LAMC2: variants seen among roughly 807,000 people sequenced by gnomAD.
LAMC2 encodes laminin subunit gamma 2.
Under a neutral mutation model 140.2 loss-of-function variants are expected in LAMC2, and 97 were observed. The observed-to-expected ratio is 0.69, with a 90% CI of 0.59 to 0.82. The LOEUF (loss-of-function observed/expected upper bound fraction) is 0.82, where lower values mean the gene tolerates loss of function less well. Among genes scored for constraint, LAMC2 ranks in the 40% least tolerant of loss-of-function variants. The pLI, the probability that LAMC2 is intolerant of heterozygous loss-of-function variation, is 0.00. For synonymous variants in LAMC2, 513 were observed against 540.2 expected (o/e 0.95, Z 0.70); for missense variants, 1,402 against 1,476.1 (o/e 0.95, Z 0.82).
At chr1:183,249,008 T>G (rs1276470735), downstream of LAMC2, 1 of 151,832 alleles carries the variant, frequency 6.6e-6, no homozygotes, top group Non-Finnish European at 1.5e-5. Flanking sequence ...TTTGCTGTAG[T>G]TCAGTTATTA....
At chr1:183,235,481 C>T (rs776462980) in intron 15 of LAMC2, 94 bp from the exon 16 acceptor site, 30 of 1,371,648 alleles carry the variant, frequency 2.2e-5, no homozygotes, top group Non-Finnish European at 3.1e-5. Flanking sequence ...TAAATCAGAC[C>T]AGCTCCCGTA....
At chr1:183,238,227 T>C in intron 18 of LAMC2, 80 bp from the exon 19 acceptor site, 1 of 1,001,722 alleles carries the variant, frequency 1.0e-6, no homozygotes, top group Non-Finnish European at 1.6e-6. Context: ...TGATCTGCTG[T>C]CATGAAGAGA....
intron 1 of LAMC2, among the ~76,000 whole-genome samples, chr1:183,200,368 C>T (rs974240759): frequency 2.7e-5 from 4 of 149,508 alleles, no homozygotes; most frequent in Non-Finnish European, 4.4e-5. Context: ...CCAGCCTGGG[C>T]GACAGAACGA....
At position 183,225,689 on chromosome 1, in the gene LAMC2, C is replaced by T. The variant is rs1659605374; in HGVS notation, c.1035C>T (p.Ala345=). Residue 345 remains alanine (A), a synonymous_variant, in exon 8 of 23, where the codon GCC becomes GCT. Coordinates refer to ENST00000264144, the MANE Select transcript of LAMC2 (RefSeq NM_005562.3). The part of the protein sequence containing the change: ...EYRRLLRNLT[A]LRIRATYGEY... ...GAAGGTTACTGCGGAATCTCACAGC[C>T]CTCCGCATCCGAGCTACATATGGAG... 1 of 1,612,766 alleles carries T rather than the reference C, an allele frequency of 6.2e-7. No homozygotes were observed. The highest frequency in any genetic ancestry group is 1.3e-5 in the African/African-American group (1 of 74,864).
At chr1:183,219,516 G>A (rs1034876522) in intron 4 of LAMC2, among the ~76,000 whole-genome samples, 2 of 152,022 alleles carry the variant, frequency 1.3e-5, no homozygotes, top group African/African-American at 4.8e-5. Context: ...TATGGTAATC[G>A]CTTTCTTTCT....
chr1:183,248,782 A>T (rs1444676484), downstream of LAMC2: 1 of 152,172 alleles, frequency 6.6e-6, no homozygotes, highest in African/African-American at 2.4e-5. Context: ...TGCAGTAGGT[A>T]GCCTTGGGAG....
intron 1 of LAMC2, among the ~76,000 whole-genome samples, chr1:183,197,885 G>A (rs1295027186): frequency 6.6e-6 from 1 of 151,576 alleles, no homozygotes; most frequent in Non-Finnish European, 1.5e-5. Context: ...GGAGCCCTGA[G>A]GAGCACCGAC....
chr1:183,228,709 TATC>T lies in LAMC2; in HGVS notation c.1714+93_1714+95del. 1 of 1,539,264 alleles carries T rather than the reference TATC, an allele frequency of 6.5e-7. No homozygotes were observed. Among genetic ancestry groups the T allele is most frequent in the Non-Finnish European group, 8.9e-7 (1 of 1,123,102 alleles). On this transcript the variant is annotated intron_variant, in intron 11 of 22. Transcript: ENST00000264144. This position sits in a 1 kb window ranked among gnomAD's most constrained non-coding sequence, Gnocchi z 4.3. ...TCTAAGCAGGGACAATGGCAGTTCA[TATC>T]ATGATGTTACTTTGATTCTCTGACC...
At chr1:183,220,774 A>G (rs752660352) in intron 4 of LAMC2, 51 bp from the exon 5 acceptor site, 1 of 1,561,030 alleles carries the variant, frequency 6.4e-7, no homozygotes, top group South Asian at 1.1e-5. Flanking sequence ...TATTTTTTCT[A>G]TAGAATAAAA....
chr1:183,258,626 G>T, the LAMC2 span, among the ~76,000 whole-genome samples: 108,935 of 152,012 alleles, frequency 0.72, 40,538 homozygotes, highest in Middle Eastern at 0.86. Flanking sequence ...TAGCCACAAG[G>T]TTAGAAATTA....
chr1:183,240,210 T>C lies in LAMC2; in HGVS notation c.3228+12T>C. The C allele has an allele frequency of 6.2e-7, 1 of 1,614,226 alleles. No individual in the cohort carries two copies. Among genetic ancestry groups the C allele is most frequent in the Non-Finnish European group, 8.5e-7 (1 of 1,180,032 alleles). On this transcript the variant is annotated intron_variant, in intron 21 of 22. Transcript: ENST00000264144. ...ATGCAGTACAGATGGTGAGTTCCTG[T>C]TGCTTTCCACGGGAGATCCCTTTCA...
At position 183,228,429 on chromosome 1, in the gene LAMC2, T is replaced by A; in HGVS notation, c.1524T>A (p.His508Gln). The A allele has an allele frequency of 6.2e-7, 1 of 1,614,008 alleles. No homozygotes were observed. Among genetic ancestry groups the A allele is most frequent in the Non-Finnish European group, 8.5e-7 (1 of 1,179,978 alleles). The change falls in exon 11 of 23, where the codon CAT becomes CAA. Residue 508 changes from histidine (H) to glutamine (Q), a missense_variant. By Grantham distance (24) the His-to-Gln change is conservative. Coordinates refer to ENST00000264144, the MANE Select transcript of LAMC2 (RefSeq NM_005562.3). This position sits in a 1 kb window ranked among gnomAD's most constrained non-coding sequence, Gnocchi z 4.3. ...ACTTTGGGGACCCCTTTGGTGAACA[T>A]GGCCCAGTGAGGCCTTGTCAGCCCT... ...DGYFGDPFGEHGPVRPCQPCQ... is the reference protein window; with the variant it reads ...DGYFGDPFGEQGPVRPCQPCQ...
At chr1:183,202,327 A>G (rs1178964698) in intron 1 of LAMC2, among the ~76,000 whole-genome samples, 3 of 152,140 alleles carry the variant, frequency 2.0e-5, no homozygotes. Flanking sequence ...CATGCAGTAT[A>G]GCCTCCCTAT....
At chr1:183,221,764 G>A (rs1464403678) in intron 5 of LAMC2, among the ~76,000 whole-genome samples, 1 of 150,368 alleles carries the variant, frequency 6.7e-6, no homozygotes, top group Non-Finnish European at 1.5e-5. Context: ...TGAAAAGACT[G>A]GACCCTCTCA....
chr1:183,218,565 T>C, intron 4 of LAMC2, 77 bp downstream of exon 4: 2 of 1,107,008 alleles, frequency 1.8e-6, no homozygotes, highest in Non-Finnish European at 2.7e-6. Context: ...CCTCCGAGTG[T>C]AATTATGGAA....
At position 183,237,430 on chromosome 1, in the gene LAMC2, C is replaced by T. The variant is rs138539226; in HGVS notation, c.2680C>T (p.Arg894Cys). The change falls in exon 18 of 23, where the codon CGT becomes TGT. Residue 894 changes from arginine (R) to cysteine (C), a missense_variant. Arg to Cys is a radical substitution (Grantham distance 180, BLOSUM62 -3). Transcript: ENST00000264144. Reference protein sequence around the residue: ...LVTRHMDEFKRTQKNLGNWKE... With the variant: ...LVTRHMDEFKCTQKNLGNWKE... Reference sequence around the variant, plus strand: ...AACCAGGCATATGGATGAGTTCAAGCGTACACAGAAGAATCTGGGAAACTG... The same window carrying T: ...AACCAGGCATATGGATGAGTTCAAGTGTACACAGAAGAATCTGGGAAACTG... The T allele has an allele frequency of 5.1e-5, 83 of 1,614,032 alleles. No individual in the cohort carries two copies. Among genetic ancestry groups the T allele is most frequent in the South Asian group, 9.9e-5 (9 of 91,074 alleles).
Position 183,186,427 on chromosome 1 carries a change from G to A in LAMC2, c.75G>A (p.Arg25=), listed in dbSNP as rs2102154792. ...LLPAARATSR[R]EVCDCNGKSR... is the part of the protein sequence containing the mutation. ...CCGCAGCCCGGGCCACCTCCAGGAG[G>A]GAAGGTGAGTCGGCTTCCACAAGGA... The change falls in exon 1 of 23, where the codon AGG becomes AGA. Residue 25 remains arginine, a synonymous_variant. Transcript: ENST00000264144. 2.5e-6 allele frequency: 4 copies of A among 1,604,084 alleles called. No homozygotes were observed. In the South Asian group the frequency reaches 4.4e-5, roughly 18 times the overall value.
chr1:183,237,647 GC>G, intron 18 of LAMC2, 143 bp downstream of exon 18: 1 of 831,064 alleles, frequency 1.2e-6, no homozygotes. Context: ...TGGAGGCCAA[GC>G]CAGGAGGATC....
chr1:183,231,189 C>A (rs1659791017), intron 12 of LAMC2, 86 bp downstream of exon 12: 1 of 1,469,700 alleles, frequency 6.8e-7, no homozygotes, highest in Non-Finnish European at 9.5e-7. Flanking sequence ...AGATCTAGGA[C>A]ACTCCTAGTC....
Sources: gnomAD v4.1 joint callset for allele counts (sites outside exome capture counted in the v4.1 genomes callset) on GRCh38, gnomAD v4.1.1 for gene constraint, Gnocchi (gnomAD v3.1) non-coding constraint, MANE v1.5 for transcripts, NCBI Gene and HGNC (gene_info 2026-07-23, HGNC 2026-07-21) for gene names.